Variants in GRIK2 observed in about 807,000 individuals in gnomAD.
The protein encoded by GRIK2 is glutamate ionotropic receptor kainate type subunit 2.
GRIK2 carries 32 observed loss-of-function variants against 100.3 expected under a neutral mutation model. The ratio of observed to expected loss-of-function variants is 0.32; its 90% confidence interval spans 0.24 to 0.43. The LOEUF is 0.43. GRIK2 is among the 20% of genes least tolerant of loss of function. The pLI is 1.00. For missense variants in GRIK2, 843 were observed against 1,114.9 expected (o/e 0.76, Z 3.47); for synonymous variants, 417 against 389.4 (o/e 1.07, Z -0.83).
At chr6:101,881,362 A>G (rs1431340409) in intron 11 of GRIK2, among the ~76,000 whole-genome samples, 1 of 151,900 alleles carries the variant, frequency 6.6e-6, no homozygotes, top group Non-Finnish European at 1.5e-5. Flanking sequence ...ATTACTTCAG[A>G]ATCAAGAAAT....
intron 7 of GRIK2, among the ~76,000 whole-genome samples, chr6:101,781,497 A>G (rs1394020202): frequency 6.6e-6 from 1 of 152,204 alleles, no homozygotes; most frequent in East Asian, 1.9e-4. Flanking sequence ...AGAAAATTCT[A>G]TTCACCAGTC....
At chr6:101,760,545 AT>A (rs1385785009) in intron 7 of GRIK2, among the ~76,000 whole-genome samples, 3 of 89,976 alleles carry the variant, frequency 3.3e-5, no homozygotes, top group Admixed American at 1.7e-4. Flanking sequence ...TTAATTATAT[AT>A]TTATTATATA....
chr6:101,677,778 A>T (rs1770948960), intron 5 of GRIK2, among the ~76,000 whole-genome samples: 1 of 152,146 alleles, frequency 6.6e-6, no homozygotes, highest in African/African-American at 2.4e-5. Flanking sequence ...GCAGATTCAG[A>T]TGTCAAATTA....
chr6:101,402,614 C>G (rs565752285), intron 2 of GRIK2, among the ~76,000 whole-genome samples: 1 of 152,344 alleles, frequency 6.6e-6, no homozygotes, highest in East Asian at 1.9e-4. Context: ...GGTTGTCACC[C>G]CGCCTTTGAT....
At chr6:101,562,141 G>A (rs1374144433) in intron 2 of GRIK2, among the ~76,000 whole-genome samples, 1 of 152,034 alleles carries the variant, frequency 6.6e-6, no homozygotes, top group African/African-American at 2.4e-5. Flanking sequence ...GAAATCTATT[G>A]TATTCTCTCA....
At chr6:101,906,432 T>A (rs1788235991) in intron 12 of GRIK2, among the ~76,000 whole-genome samples, 1 of 146,068 alleles carries the variant, frequency 6.8e-6, no homozygotes, top group Non-Finnish European at 1.5e-5. Context: ...CTCCAGAGAC[T>A]TAAAACCATT....
At chr6:101,539,362 C>A (rs1335239558) in intron 2 of GRIK2, among the ~76,000 whole-genome samples, 1 of 151,616 alleles carries the variant, frequency 6.6e-6, no homozygotes, top group East Asian at 1.9e-4. Flanking sequence ...ACTCCAAATT[C>A]CAAAATGTTA....
At chr6:101,783,925 A>G (rs941974634) in intron 7 of GRIK2, among the ~76,000 whole-genome samples, 6 of 152,220 alleles carry the variant, frequency 3.9e-5, no homozygotes, top group African/African-American at 1.4e-4. Context: ...GCATTCAGTT[A>G]TATACATTCA....
chr6:101,583,387 A>G (rs1200253718), intron 2 of GRIK2, among the ~76,000 whole-genome samples: 1 of 151,974 alleles, frequency 6.6e-6, no homozygotes, highest in African/African-American at 2.4e-5. Flanking sequence ...TGGATCCTGA[A>G]CAATGTAAAA....
At chr6:101,570,133 C>T (rs950664143) in intron 2 of GRIK2, among the ~76,000 whole-genome samples, 1 of 152,092 alleles carries the variant, frequency 6.6e-6, no homozygotes, top group African/African-American at 2.4e-5. Flanking sequence ...CCTTTGAAAA[C>T]ATATAGGCTC....
At chr6:101,880,703 T>C (rs965009660) in intron 11 of GRIK2, among the ~76,000 whole-genome samples, 11 of 152,034 alleles carry the variant, frequency 7.2e-5, no homozygotes, top group Non-Finnish European at 1.6e-4. Context: ...TATTTTTATA[T>C]CTAAACAGAA....
chr6:101,905,692 T>C (rs1788170744), intron 12 of GRIK2, among the ~76,000 whole-genome samples: 1 of 151,426 alleles, frequency 6.6e-6, no homozygotes, highest in Non-Finnish European at 1.5e-5. Context: ...CTATCAATCA[T>C]CTACCTACCT....
intron 7 of GRIK2, among the ~76,000 whole-genome samples, chr6:101,698,772 C>T (rs1018908161): frequency 1.3e-5 from 2 of 152,034 alleles, no homozygotes; most frequent in Admixed American, 1.3e-4. Flanking sequence ...ACAAGTGAAA[C>T]GTAGCCTTAA....
intron 16 of GRIK2, chr6:102,063,916 C>A: frequency 1.2e-6 from 1 of 809,932 alleles, no homozygotes; most frequent in Non-Finnish European, 2.1e-6. Context: ...AATTTAAATG[C>A]AATTATACAT....
chr6:102,023,582 G>T (rs1470824582), intron 14 of GRIK2, among the ~76,000 whole-genome samples: 4 of 151,524 alleles, frequency 2.6e-5, no homozygotes, highest in Admixed American at 2.0e-4. Context: ...TACTAAAAGT[G>T]AGTTGAGTCC....
rs542093520 is a variant in GRIK2, at chr6:101,677,041, C to T, written c.723+237C>T. ...TTTGGAGGTTATTTTCAAATGACTGCAATGCTGTTGGTTAATGAGATAGTT... is the reference window on the plus strand; with the variant it reads ...TTTGGAGGTTATTTTCAAATGACTGTAATGCTGTTGGTTAATGAGATAGTT... On this transcript the variant is annotated intron_variant, in intron 5 of 16. Transcript: ENST00000369134. Among the ~76,000 whole-genome samples the T allele has an allele frequency of 2.0e-5, 3 of 152,082 alleles. No homozygotes were observed. In the South Asian group the frequency reaches 6.2e-4, roughly 32 times the overall value.
intron 4 of GRIK2, among the ~76,000 whole-genome samples, chr6:101,665,041 A>G (rs184688686): frequency 8.2e-4 from 125 of 152,320 alleles, no homozygotes; most frequent in Non-Finnish European, 1.4e-3. Context: ...GCGTGGGGAC[A>G]CAGCTAAATA....
intron 7 of GRIK2, among the ~76,000 whole-genome samples, chr6:101,756,375 C>CATTTATAATCTACATTTATAAATGGT (rs1777135311): frequency 7.8e-6 from 1 of 127,918 alleles, no homozygotes; most frequent in Non-Finnish European, 1.6e-5. Flanking sequence ...AGTTTCTTAT[C>CATTTATAATCTACATTTATAAATGGT]TACATTTATA....
intron 2 of GRIK2, among the ~76,000 whole-genome samples, chr6:101,451,807 T>C (rs539596430): frequency 6.6e-6 from 1 of 151,728 alleles, no homozygotes; most frequent in Non-Finnish European, 1.5e-5. Context: ...TTCCTTTTCA[T>C]CACTCTTTTA....
Sources: gnomAD v4.1 joint callset for allele counts (sites outside exome capture counted in the v4.1 genomes callset) on GRCh38, gnomAD v4.1.1 for gene constraint, MANE v1.5 for transcripts, NCBI Gene and HGNC (gene_info 2026-07-23, HGNC 2026-07-21) for gene names.